The following CASTOR2 variants were observed in gnomAD, a reference collection of about 807,000 sequenced individuals.
CASTOR2 encodes the protein cytosolic arginine sensor for mTORC1 subunit 2, also known as GATS protein like 2.
In CASTOR2, 8 loss-of-function variants were observed where a neutral mutation model predicts 31.2. The ratio of observed to expected loss-of-function variants is 0.26; its 90% CI spans 0.15 to 0.46. The LOEUF (loss-of-function observed/expected upper bound fraction) is 0.46, where lower values mean the gene tolerates loss of function less well. CASTOR2 is among the 20% of genes least tolerant of loss of function. The pLI, the probability that CASTOR2 is intolerant of heterozygous loss-of-function variation, is 0.99. For synonymous variants in CASTOR2, 162 were observed against 158.7 expected (o/e 1.02, Z -0.16); for missense variants, 216 against 382.1 (o/e 0.57, Z 3.62).
Position 75,021,966 on chromosome 7 carries a change from G to C in CASTOR2, c.829+10G>C. The C allele has an allele frequency of 6.4e-7, 1 of 1,551,566 alleles. No homozygotes were observed. Among genetic ancestry groups the C allele is most frequent in the Non-Finnish European group, 8.7e-7 (1 of 1,146,762 alleles). On this transcript the variant is annotated intron_variant, in intron 7 of 8. Coordinates refer to ENST00000616305, the MANE Select transcript of CASTOR2 (RefSeq NM_001145064.3). Reference sequence around the variant, plus strand: ...CAGCCCCTGGGGTTTGGTGAGTCCTGGGGGGATTACATGGGGAATTGAGGG... The same window carrying C: ...CAGCCCCTGGGGTTTGGTGAGTCCTCGGGGGATTACATGGGGAATTGAGGG...
At chr7:75,019,141 A>C in intron 5 of CASTOR2, 46 bp downstream of exon 5, 1 of 1,551,538 alleles carries the variant, frequency 6.4e-7, no homozygotes, top group East Asian at 2.4e-5. Context: ...GGCCAGGGAG[A>C]GGCATGGCTC....
At chr7:75,001,562 C>T (rs1804496510) in intron 1 of CASTOR2, among the ~76,000 whole-genome samples, 1 of 152,204 alleles carries the variant, frequency 6.6e-6, no homozygotes, top group East Asian at 1.9e-4. Flanking sequence ...AACTGGAGAC[C>T]TTAGCTTCTC....
rs1038798447 is a variant in CASTOR2 at position 75,026,919 on chromosome 7, G to A, written c.*2220G>A. Reference sequence around the variant, plus strand: ...GTGTGTCCCCTAGACTTCCTAGGACGTATCTATTGTACACACCTATAAATA... The same window carrying A: ...GTGTGTCCCCTAGACTTCCTAGGACATATCTATTGTACACACCTATAAATA... On this transcript the variant is annotated 3_prime_UTR_variant, in exon 9 of 9. Transcript: ENST00000616305. Among the ~76,000 whole-genome samples the A allele has an allele frequency of 1.1e-3, 164 of 152,214 alleles. 2 individuals are homozygous for A. The South Asian group carries it at 0.032, about 30-fold the overall frequency.
Position 75,030,005 on chromosome 7 carries a change from C to T in CASTOR2, c.*5306C>T, listed in dbSNP as rs1038420724. ...AGACCCTGCCTCTACAAGAAAATAA[C>T]GAAAGAGGCCCCAGGGAAGGAAGCC... is the stretch of plus-strand genomic sequence containing the variant. On this transcript the variant is annotated 3_prime_UTR_variant, in exon 9 of 9. Transcript: ENST00000616305. Among the ~76,000 whole-genome samples the T allele has an allele frequency of 5.3e-5, 8 of 152,136 alleles. No homozygotes were observed. Among genetic ancestry groups the T allele is most frequent in the African/African-American group, 7.2e-5 (3 of 41,430 alleles).
intron 1 of CASTOR2, among the ~76,000 whole-genome samples, chr7:74,986,629 C>T (rs1336381672): frequency 1.3e-5 from 2 of 152,146 alleles, no homozygotes; most frequent in African/African-American, 2.4e-5. Context: ...GATCACCTGC[C>T]CCTTACGCCC....
intron 1 of CASTOR2, among the ~76,000 whole-genome samples, chr7:75,006,742 G>T (rs1804614100): frequency 6.6e-6 from 1 of 152,048 alleles, no homozygotes; most frequent in Non-Finnish European, 1.5e-5. Flanking sequence ...GAGATCTGAT[G>T]GTTTTATAAA....
At chr7:74,996,940 G>A (rs1261675986) in intron 1 of CASTOR2, among the ~76,000 whole-genome samples, 1 of 150,940 alleles carries the variant, frequency 6.6e-6, no homozygotes, top group Non-Finnish European at 1.5e-5. Flanking sequence ...TCACCATGTT[G>A]GCCAGGTTGG....
chr7:75,027,869 A>T lies in CASTOR2; in HGVS notation c.*3170A>T, dbSNP rs1805182056. ...GGTGTGAGTGTGGTTTTTCCCAGGC[A>T]GGGGCCGTCTGCCCTTGTCCCCCAG... On this transcript the variant is annotated 3_prime_UTR_variant, in exon 9 of 9. Coordinates refer to ENST00000616305, the MANE Select transcript of CASTOR2 (RefSeq NM_001145064.3). 1.2e-6 allele frequency: 1 copy of T among 800,732 alleles called. No individual in the cohort carries two copies. The highest frequency in any genetic ancestry group is 2.1e-6 in the Non-Finnish European group (1 of 483,652). 49.6% of individuals were successfully genotyped at this position (800,732 alleles called of 1,614,324 possible). A position where few individuals can be genotyped will look rare whatever the true frequency, so the allele number is the denominator to read the frequency against.
In CASTOR2 at chr7:75,029,302, A is replaced by C. The variant is rs1805231138; in HGVS notation, c.*4603A>C. 6.6e-6 allele frequency among the ~76,000 whole-genome samples: 1 copy of C among 151,550 alleles called. No individual in the cohort carries two copies. Among genetic ancestry groups the C allele is most frequent in the Admixed American group, 6.6e-5 (1 of 15,222 alleles). Reference sequence around the variant, plus strand: ...TGTGGTGACAACCAGGGCTTTTCCCAGCCCCAGCTAAGAGAGGGGGCTTTA... The same window carrying C: ...TGTGGTGACAACCAGGGCTTTTCCCCGCCCCAGCTAAGAGAGGGGGCTTTA... On this transcript the variant is annotated 3_prime_UTR_variant, in exon 9 of 9. Transcript: ENST00000616305.
At chr7:75,001,690 A>G (rs1335439299) in intron 1 of CASTOR2, among the ~76,000 whole-genome samples, 1 of 152,228 alleles carries the variant, frequency 6.6e-6, no homozygotes, top group Non-Finnish European at 1.5e-5. Context: ...TCGCTCAGCA[A>G]TCCTTGAGTG....
intron 8 of CASTOR2, 41 bp downstream of exon 8, chr7:75,024,575 G>A: frequency 1.3e-6 from 2 of 1,550,970 alleles, no homozygotes; most frequent in East Asian, 2.4e-5. Context: ...CAGGGCCGGG[G>A]TGGGGAAGCA....
chr7:75,012,498 G>A (rs1804774351), intron 2 of CASTOR2, among the ~76,000 whole-genome samples: 1 of 151,414 alleles, frequency 6.6e-6, no homozygotes, highest in Non-Finnish European at 1.5e-5. Context: ...GTAGAGACAG[G>A]GTTTCACCAT....
intron 1 of CASTOR2, among the ~76,000 whole-genome samples, chr7:74,998,892 G>T (rs1211935017): frequency 7.9e-5 from 12 of 151,980 alleles, no homozygotes; most frequent in Non-Finnish European, 1.6e-4. Context: ...CTTTGGTAAC[G>T]CTGCCTCTCC....
At chr7:74,985,365 G>C (rs1241716942) in intron 1 of CASTOR2, among the ~76,000 whole-genome samples, 1 of 151,478 alleles carries the variant, frequency 6.6e-6, no homozygotes, top group African/African-American at 2.4e-5. Context: ...GAGTTGCTTG[G>C]GCTTAGAAGC....
chr7:75,011,727 C>CAAA (rs587617013), intron 2 of CASTOR2, among the ~76,000 whole-genome samples: 9 of 44,530 alleles, frequency 2.0e-4, no homozygotes, highest in African/African-American at 4.4e-4. Flanking sequence ...AGAGCTGTCT[C>CAAA]AAAAAAAAAA....
At chr7:75,003,228 CTT>C (rs1454277593) in intron 1 of CASTOR2, among the ~76,000 whole-genome samples, 1 of 152,214 alleles carries the variant, frequency 6.6e-6, no homozygotes, top group Non-Finnish European at 1.5e-5. Flanking sequence ...AGAAGGATCA[CTT>C]GAGCTCAGGA....
At chr7:75,022,977 A>G (rs1198618068) in intron 7 of CASTOR2, among the ~76,000 whole-genome samples, 26 of 152,260 alleles carry the variant, frequency 1.7e-4, no homozygotes, top group African/African-American at 6.3e-4. Context: ...AGAGTCTGAC[A>G]CCCAACACTT....
chr7:74,992,428 C>A (rs1804233911), intron 1 of CASTOR2, among the ~76,000 whole-genome samples: 1 of 152,042 alleles, frequency 6.6e-6, no homozygotes, highest in South Asian at 2.1e-4. Flanking sequence ...ATCGTGAGAC[C>A]CTGTCTCTAC....
intron 2 of CASTOR2, among the ~76,000 whole-genome samples, chr7:75,010,420 G>A (rs1295284307): frequency 2.0e-5 from 3 of 152,128 alleles, no homozygotes; most frequent in Non-Finnish European, 4.4e-5. Flanking sequence ...TTGGGGTAGA[G>A]TCTCCTGGGG....
Sources: allele counts gnomAD v4.1 joint callset (sites outside exome capture counted in the v4.1 genomes callset), GRCh38; gene constraint gnomAD v4.1.1; transcripts MANE v1.5; gene names NCBI Gene and HGNC (gene_info 2026-07-23, HGNC 2026-07-21).